PAMR1: variants seen among roughly 807,000 people sequenced by gnomAD.
PAMR1 encodes the protein peptidase domain containing associated with muscle regeneration 1.
A neutral mutation model predicts 81.8 loss-of-function variants in PAMR1; 88 were observed. That is an observed-to-expected ratio of 1.08 (90% CI 0.91 to 1.28). The LOEUF is 1.28. Among genes scored for constraint, PAMR1 ranks in the 50% most tolerant of loss-of-function variants. The probability of loss-of-function intolerance (pLI) is 0.00; values close to 1 mark genes in which losing one functional copy is unlikely to be tolerated. For missense variants in PAMR1, 935 were observed against 919.7 expected (o/e 1.02, Z -0.21); for synonymous variants, 336 against 345.3 (o/e 0.97, Z 0.30).
Position 35,494,190 on chromosome 11 carries a change from C to T in PAMR1, c.156G>A (p.Glu52=). 6.2e-7 allele frequency: 1 copy of T among 1,614,084 alleles called. No individual in the cohort carries two copies. Among genetic ancestry groups the T allele is most frequent in the Non-Finnish European group, 8.5e-7 (1 of 1,179,904 alleles). Residue 52 remains glutamate, a synonymous_variant, in exon 2 of 11, where the codon GAG becomes GAA. Coordinates refer to ENST00000619888, the MANE Select transcript of PAMR1 (RefSeq NM_001001991.3). ...CTTCCCTCTTTCCGGGGCAGACGCA[C>T]TCAATCTGATCATATTCACAGCACT... The part of the protein sequence containing the change: ...CRECCEYDQI[E]CVCPGKREVV...
chr11:35,491,568 G>C (rs937465595), intron 3 of PAMR1, among the ~76,000 whole-genome samples: 5 of 152,124 alleles, frequency 3.3e-5, no homozygotes, highest in Non-Finnish European at 7.4e-5. Context: ...TAAAAACTAA[G>C]TAATTCTTTC....
Position 35,434,776 on chromosome 11 carries a change from A to G in PAMR1, c.1362T>C (p.Ala454=), listed in dbSNP as rs770927342. The G allele has an allele frequency of 1.9e-6, 3 of 1,613,676 alleles. No individual in the cohort carries two copies. The African/African-American group carries it at 4.0e-5, about 22-fold the overall frequency. The change falls in exon 10 of 11, where the codon GCT becomes GCC. Residue 454 remains alanine (A), a synonymous_variant. Transcript: ENST00000619888. ...PICGKIENIT[A]PKTQGLRWPW... ...GCCAGCGCAACCCTTGGGTCTTTGGAGCAGTGATGTTCTCAATTTTCCCGC... is the reference window on the plus strand; with the variant it reads ...GCCAGCGCAACCCTTGGGTCTTTGGGGCAGTGATGTTCTCAATTTTCCCGC...
chr11:35,474,320 G>A (rs117234360), intron 4 of PAMR1, among the ~76,000 whole-genome samples: 1,899 of 152,284 alleles, frequency 0.012, 17 homozygotes, highest in Middle Eastern at 0.024. Flanking sequence ...CCTCCCATAG[G>A]AACCAGCCCA....
Position 35,525,540 on chromosome 11 carries a change from G to C in PAMR1, c.46C>G (p.Leu16Val), listed in dbSNP as rs780818446. ...CTTGGCAAGGACGAGATGAGAAGGA[G>C]CTGAAGAAAAGTGAGCCCCAACTGC... ...WTQLGLTFLQ[L>V]LLISSLPREY... Residue 16 changes from leucine (L) to valine (V), a missense_variant, in exon 1 of 11, where the codon CTC (leucine) becomes GTC (valine). Coordinates refer to ENST00000619888, the MANE Select transcript of PAMR1 (RefSeq NM_001001991.3). The C allele has an allele frequency of 2.5e-5, 40 of 1,613,928 alleles. No homozygotes were observed. Among genetic ancestry groups the C allele is most frequent in the Non-Finnish European group, 3.2e-5 (38 of 1,179,958 alleles).
At chr11:35,444,314 A>G (rs1363719563) in intron 6 of PAMR1, among the ~76,000 whole-genome samples, 2 of 152,168 alleles carry the variant, frequency 1.3e-5, no homozygotes, top group African/African-American at 4.8e-5. Context: ...CTCTGATGAT[A>G]GTTTATTTTG....
chr11:35,451,603 C>T (rs940010806), intron 6 of PAMR1, among the ~76,000 whole-genome samples: 16 of 152,114 alleles, frequency 1.1e-4, no homozygotes, highest in East Asian at 3.9e-4. Flanking sequence ...TTATTGCTTA[C>T]GGAATGTCAT....
chr11:35,432,667 G>T lies in PAMR1; in HGVS notation c.1852C>A (p.Arg618Ser), dbSNP rs368802780. 6.8e-6 allele frequency: 11 copies of T among 1,613,424 alleles called. No homozygotes were observed. The highest frequency in any genetic ancestry group is 1.3e-5 in the African/African-American group (1 of 75,042). The change falls in exon 11 of 11, where the codon CGC (arginine) becomes AGC (serine). Residue 618 changes from arginine to serine, a missense_variant. Coordinates refer to ENST00000619888, the MANE Select transcript of PAMR1 (RefSeq NM_001001991.3). ...TCCACCACACTGACCACCCCAGAGC[G>T]CAGTGTGTCGTTCTTGAAGCCAGGG... is the stretch of plus-strand genomic sequence containing the variant. The part of the protein sequence containing the change: ...RSPGFKNDTL[R>S]SGVVSVVDSL...
rs55664705 is a variant in PAMR1 at position 35,517,275 on chromosome 11, A to G, written c.73+8238T>C. ...AAGAACCTTTCTCATAGGAACATGG[A>G]TGTGCCATCATCTCATGGCCCTTTC... On this transcript the variant is annotated intron_variant, in intron 1 of 10. Transcript: ENST00000619888. Among the ~76,000 whole-genome samples the G allele has an allele frequency of 2.9e-3, 444 of 152,348 alleles. 2 individuals carry two copies. The highest frequency in any genetic ancestry group is 4.8e-3 in the Non-Finnish European group (327 of 68,032).
At chr11:35,523,910 G>T (rs959703693) in intron 1 of PAMR1, among the ~76,000 whole-genome samples, 2 of 152,178 alleles carry the variant, frequency 1.3e-5, no homozygotes, top group African/African-American at 4.8e-5. Flanking sequence ...GGATTTTTCA[G>T]ATTCTGGGCT....
intron 6 of PAMR1, among the ~76,000 whole-genome samples, chr11:35,465,732 C>T (rs1856745116): frequency 6.6e-6 from 1 of 152,220 alleles, no homozygotes; most frequent in Non-Finnish European, 1.5e-5. Flanking sequence ...TTCACTATAA[C>T]TACATGTTAC....
intron 6 of PAMR1, 26 bp from the exon 7 acceptor site, chr11:35,441,719 A>C: frequency 6.6e-7 from 1 of 1,508,850 alleles, no homozygotes; most frequent in Non-Finnish European, 9.1e-7. Context: ...AGAAAAGGAG[A>C]ATTGTTAAAA....
At chr11:35,506,633 C>G (rs2135413856) in intron 1 of PAMR1, among the ~76,000 whole-genome samples, 1 of 151,692 alleles carries the variant, frequency 6.6e-6, no homozygotes, top group African/African-American at 2.4e-5. Context: ...TGTCCTCCTC[C>G]CCCATGACCT....
intron 1 of PAMR1, among the ~76,000 whole-genome samples, chr11:35,496,646 C>A (rs1336478513): frequency 6.6e-6 from 1 of 152,172 alleles, no homozygotes; most frequent in Non-Finnish European, 1.5e-5. Flanking sequence ...AAATTGGAAC[C>A]CTTGTATATT....
intron 9 of PAMR1, among the ~76,000 whole-genome samples, chr11:35,435,372 A>T (rs557261535): frequency 1.3e-5 from 2 of 151,976 alleles, no homozygotes; most frequent in Non-Finnish European, 2.9e-5. Context: ...TTTTATTTTT[A>T]TTTTTTTATA....
At chr11:35,467,893 G>A in intron 6 of PAMR1, 108 bp downstream of exon 6, 1 of 670,630 alleles carries the variant, frequency 1.5e-6, no homozygotes, top group Non-Finnish European at 2.7e-6. Context: ...GCACCATCTT[G>A]GACAGAGCAT....
rs181367116 is a variant in PAMR1, at chr11:35,489,711, A to T, written c.379+2334T>A. Among the ~76,000 whole-genome samples the T allele has an allele frequency of 3.3e-5, 5 of 152,304 alleles. No homozygotes were observed. The East Asian group carries it at 9.6e-4, about 29-fold the overall frequency. On this transcript the variant is annotated intron_variant, in intron 3 of 10. Transcript: ENST00000619888. ...CCTTGCATTTTCACACCCTGACCAT[A>T]CTATCCCTCTCCCTGAAATATCTTC...
chr11:35,433,806 AGATGGAGG>A (rs1327373676), intron 10 of PAMR1, among the ~76,000 whole-genome samples: 1 of 127,272 alleles, frequency 7.9e-6, no homozygotes, highest in Admixed American at 7.2e-5. Flanking sequence ...ATGGATGGAT[AGATGGAGG>A]GATGGAGGGA....
At chr11:35,501,017 G>T in intron 1 of PAMR1, among the ~76,000 whole-genome samples, 1 of 152,054 alleles carries the variant, frequency 6.6e-6, no homozygotes, top group African/African-American at 2.4e-5. Context: ...GTACACTACT[G>T]TAGACTTTAT....
Position 35,432,508 on chromosome 11 carries a change from C to T in PAMR1, c.2011G>A (p.Val671Met), listed in dbSNP as rs753270653. The T allele has an allele frequency of 5.0e-6, 8 of 1,614,140 alleles. No homozygotes were observed. Among genetic ancestry groups the T allele is most frequent in the Admixed American group, 1.7e-5 (1 of 60,014 alleles). Residue 671 changes from valine (V) to methionine (M), a missense_variant, in exon 11 of 11, where the codon GTG (valine) becomes ATG (methionine). Coordinates refer to ENST00000619888, the MANE Select transcript of PAMR1 (RefSeq NM_001001991.3). ...CTAETGGIAA[V>M]SFPGRASPEP... ...GGAGATGCTCGTCCCGGGAAGGACACAGCCGCGATGCCTCCTGTCTCTGCA... is the reference window on the plus strand; with the variant it reads ...GGAGATGCTCGTCCCGGGAAGGACATAGCCGCGATGCCTCCTGTCTCTGCA...
Sources: allele counts gnomAD v4.1 joint callset (sites outside exome capture counted in the v4.1 genomes callset), GRCh38; gene constraint gnomAD v4.1.1; transcripts MANE v1.5; gene names NCBI Gene and HGNC (gene_info 2026-07-23, HGNC 2026-07-21).